Variants in PBX1 observed in about 807,000 individuals in gnomAD.
PBX1 encodes pre-B-cell leukemia transcription factor 1.
Under a neutral mutation model 53.4 loss-of-function variants are expected in PBX1, and 6 were observed. That is an observed-to-expected ratio of 0.11 (90% CI 0.06 to 0.22). The LOEUF is 0.22. Ranked by LOEUF, PBX1 falls within the 10% of genes least tolerant of loss-of-function variation. The probability of loss-of-function intolerance (pLI) is 1.00; values close to 1 mark genes in which losing one functional copy is unlikely to be tolerated. For synonymous variants in PBX1, 204 were observed against 212.3 expected (o/e 0.96, Z 0.34); for missense variants, 251 against 551.4 (o/e 0.46, Z 5.46).
chr1:164,859,201 CT>C (rs1672040449), intron 2 of PBX1, among the ~76,000 whole-genome samples: 1 of 152,202 alleles, frequency 6.6e-6, no homozygotes, highest in Admixed American at 6.5e-5. Context: ...ATGGAACAAT[CT>C]CCCATCTCTT....
At chr1:164,637,997 G>A (rs1211108096) in intron 2 of PBX1, among the ~76,000 whole-genome samples, 1 of 152,180 alleles carries the variant, frequency 6.6e-6, no homozygotes, top group African/African-American at 2.4e-5. Context: ...ATCGTGCTCT[G>A]GGGACCATCT....
At chr1:164,864,284 G>C (rs1182492490) in intron 2 of PBX1, among the ~76,000 whole-genome samples, 2 of 151,942 alleles carry the variant, frequency 1.3e-5, no homozygotes, top group Non-Finnish European at 1.5e-5. Context: ...TAGCCCTTCA[G>C]CCTCCAGTGC....
intron 2 of PBX1, among the ~76,000 whole-genome samples, chr1:164,709,402 C>T (rs930229182): frequency 5.3e-5 from 8 of 151,960 alleles, no homozygotes; most frequent in African/African-American, 1.7e-4. Flanking sequence ...CATAAGAAAA[C>T]AAAAATAGAA....
At chr1:164,839,296 AT>A (rs1302000529) in intron 8 of PBX1, among the ~76,000 whole-genome samples, 1 of 152,226 alleles carries the variant, frequency 6.6e-6, no homozygotes, top group African/African-American at 2.4e-5. Flanking sequence ...CAGAAACAAG[AT>A]TTTTTTAACT....
chr1:164,680,330 A>T (rs1382215932), intron 2 of PBX1: 1 of 152,224 alleles, frequency 6.6e-6, no homozygotes, highest in African/African-American at 2.4e-5. Flanking sequence ...TATCTGAAAG[A>T]GAGAGCATTT....
intron 8 of PBX1, among the ~76,000 whole-genome samples, chr1:164,827,319 C>T (rs969423667): frequency 6.6e-6 from 1 of 152,124 alleles, no homozygotes; most frequent in South Asian, 2.1e-4. Flanking sequence ...TTCTATTTTA[C>T]CAGCTGAATT....
At chr1:164,579,491 G>T (rs934402870) in intron 2 of PBX1, among the ~76,000 whole-genome samples, 3 of 152,124 alleles carry the variant, frequency 2.0e-5, no homozygotes, top group African/African-American at 7.2e-5. Context: ...AGTCCTGCTG[G>T]TAAGGAAATA....
intron 8 of PBX1, among the ~76,000 whole-genome samples, chr1:164,843,025 G>A (rs944524214): frequency 4.6e-5 from 7 of 151,776 alleles, no homozygotes; most frequent in Admixed American, 3.3e-4. Flanking sequence ...CGAGGTAGAG[G>A]GAAGGAATTG....
At chr1:164,605,250 A>G (rs1315023124) in intron 2 of PBX1, 1 of 152,224 alleles carries the variant, frequency 6.6e-6, no homozygotes, top group Non-Finnish European at 1.5e-5. Context: ...AAGGGGATGT[A>G]AGGGGCAGAG....
In PBX1 at chr1:164,792,695, A is replaced by G; in HGVS notation, c.467A>G (p.Gln156Arg). Residue 156 changes from glutamine (Q) to arginine (R), a missense_variant, in exon 3 of 9, where the codon CAG (glutamine) becomes CGG (arginine). Physicochemically the swap from Gln to Arg is conservative, Grantham distance 43. This residue lies in a region of PBX1 where 76 missense variants were observed against 197.5 expected (regional missense o/e 0.38). Coordinates refer to ENST00000420696, the MANE Select transcript of PBX1 (RefSeq NM_002585.4). Reference protein sequence around the residue: ...EHSDYRAKLSQIRQIYHTELE... With the variant: ...EHSDYRAKLSRIRQIYHTELE... ...TCAGATTACAGAGCCAAACTCTCAC[A>G]GATCAGACAAATCTACCATACGGAG... 1.2e-6 allele frequency: 2 copies of G among 1,613,658 alleles called. No individual in the cohort carries two copies. Among genetic ancestry groups the G allele is most frequent in the Non-Finnish European group, 1.7e-6 (2 of 1,179,698 alleles).
At chr1:164,790,043 GA>G (rs1309584924) in intron 2 of PBX1, among the ~76,000 whole-genome samples, 1 of 151,208 alleles carries the variant, frequency 6.6e-6, no homozygotes, top group Non-Finnish European at 1.5e-5. Flanking sequence ...CATATAAAGA[GA>G]AACAACCACA....
At chr1:164,660,691 G>A (rs1660436899) in intron 2 of PBX1, among the ~76,000 whole-genome samples, 1 of 152,166 alleles carries the variant, frequency 6.6e-6, no homozygotes, top group Admixed American at 6.5e-5. Context: ...CAGCTTTTAT[G>A]TACATCATCC....
At chr1:164,795,023 T>C (rs991182268) in intron 3 of PBX1, among the ~76,000 whole-genome samples, 2 of 152,188 alleles carry the variant, frequency 1.3e-5, no homozygotes, top group African/African-American at 4.8e-5. Flanking sequence ...GAGTAAAAAT[T>C]ATGACAGCCA....
At chr1:164,788,145 G>A (rs1668297463) in intron 2 of PBX1, among the ~76,000 whole-genome samples, 2 of 152,180 alleles carry the variant, frequency 1.3e-5, no homozygotes, top group South Asian at 2.1e-4. Context: ...ATATGTGATG[G>A]TTGCTGGATT....
In PBX1 at chr1:164,849,026, A is replaced by G; in HGVS notation, c.*2350A>G. The stretch of plus-strand genomic sequence containing the variant: ...GAAGGAGCATTTTTGTGACAACTTC[A>G]TAGTGATTAGAATCAGTGGAGAACT... On this transcript the variant is annotated 3_prime_UTR_variant, in exon 9 of 9. Transcript: ENST00000420696. 1 of 1,216,384 alleles carries G rather than the reference A, an allele frequency of 8.2e-7. No homozygotes were observed. Among genetic ancestry groups the G allele is most frequent in the African/African-American group, 1.5e-5 (1 of 66,092 alleles). The allele number at this position is 1,216,384 out of a possible 1,614,324, so 75.3% of individuals were successfully genotyped here.
intron 2 of PBX1, among the ~76,000 whole-genome samples, chr1:164,583,193 T>C (rs1162603269): frequency 6.6e-6 from 1 of 152,022 alleles, no homozygotes; most frequent in East Asian, 1.9e-4. Context: ...TTTTGTGAAA[T>C]GACTTATAGA....
At chr1:164,759,905 A>T (rs915091196) in intron 2 of PBX1, among the ~76,000 whole-genome samples, 1 of 152,130 alleles carries the variant, frequency 6.6e-6, no homozygotes, top group Non-Finnish European at 1.5e-5. Context: ...CAGTTCACAC[A>T]GTAAGATATG....
intron 2 of PBX1, among the ~76,000 whole-genome samples, chr1:164,689,198 A>T (rs1396042394): frequency 2.6e-5 from 4 of 152,256 alleles, no homozygotes; most frequent in African/African-American, 9.6e-5. Flanking sequence ...TATCCTCATG[A>T]AATATACATC....
chr1:164,857,552 G>T (rs1390465604), intron 2 of PBX1, among the ~76,000 whole-genome samples: 1 of 152,172 alleles, frequency 6.6e-6, no homozygotes, highest in East Asian at 1.9e-4. Flanking sequence ...TGTGGGGTGG[G>T]GCTGAAAGTT....
Sources: allele counts gnomAD v4.1 joint callset (sites outside exome capture counted in the v4.1 genomes callset), GRCh38; gene constraint gnomAD v4.1.1; regional missense constraint gnomAD v4.1.1; transcripts MANE v1.5; gene names NCBI Gene and HGNC (gene_info 2026-07-23, HGNC 2026-07-21).